The following ZSCAN5A variants were observed in gnomAD, a reference collection of about 807,000 sequenced individuals.
The protein encoded by ZSCAN5A is zinc finger and SCAN domain containing 5A.
In ZSCAN5A, 12 loss-of-function variants were observed where a neutral mutation model predicts 23.7. That is an observed-to-expected ratio of 0.51 (90% confidence interval 0.32 to 0.82). ZSCAN5A has a LOEUF of 0.82. ZSCAN5A is among the 40% of genes least tolerant of loss of function. The pLI, the probability that ZSCAN5A is intolerant of heterozygous loss-of-function variation, is 0.03. For synonymous variants in ZSCAN5A, 257 were observed against 239.9 expected, an observed-to-expected ratio of 1.07 and a Z score of -0.66; for missense variants, 597 against 617.9, an observed-to-expected ratio of 0.97 and a Z score of 0.36.
chr19:56,225,195 C>T (rs1407436413), intron 2 of ZSCAN5A, 22 bp from the exon 3 acceptor site: 3 of 1,433,062 alleles, frequency 2.1e-6, no homozygotes, highest in Non-Finnish European at 2.7e-6. Context: ...AAGTATGAGC[C>T]TCATTAGTTT....
chr19:56,238,066 C>G (rs2035117217), intron 2 of ZSCAN5A, among the ~76,000 whole-genome samples: 1 of 4,778 alleles, frequency 2.1e-4, no homozygotes, highest in African/African-American at 8.2e-4. Context: ...GTCTAGTCCC[C>G]TAGACACACA....
chr19:56,226,996 G>A (rs1025024182), intron 2 of ZSCAN5A, among the ~76,000 whole-genome samples: 2 of 152,166 alleles, frequency 1.3e-5, no homozygotes, highest in Non-Finnish European at 2.9e-5. Context: ...ACTCATAGTA[G>A]TAGTGAGTAG....
Position 56,281,806 on chromosome 19 carries a change from T to G in ZSCAN5A, c.-128+31477A>C, listed in dbSNP as rs548768522. ...AAACTGCTGACGATCACATTCAACC[T>G]GGGGCAGATTCAGATGTCCTCAATT... On this transcript the variant is annotated intron_variant, in intron 2 of 5. Transcript: ENST00000683990. 52 of 574,144 alleles carry G rather than the reference T, an allele frequency of 9.1e-5. No individual in the cohort carries two copies. In the South Asian group the frequency reaches 3.6e-3, roughly 40 times the overall value. 35.6% of individuals were successfully genotyped at this position (574,144 alleles called of 1,614,324 possible). A position where few individuals can be genotyped will look rare whatever the true frequency, so the allele number is the denominator to read the frequency against.
chr19:56,281,739 G>A (rs1436102327), intron 2 of ZSCAN5A: 29 of 982,768 alleles, frequency 3.0e-5, no homozygotes, highest in Non-Finnish European at 3.1e-5. Context: ...TGGGGAGCCC[G>A]CCCTTCAACC....
upstream of ZSCAN5A, among the ~76,000 whole-genome samples, chr19:56,319,459 G>A (rs575855827): frequency 2.2e-3 from 293 of 134,096 alleles, 2 homozygotes; most frequent in African/African-American, 7.3e-3. Context: ...TTGCACCACC[G>A]CACTCCAGCC....
chr19:56,295,778 A>T (rs963127979), intron 2 of ZSCAN5A: 4 of 152,440 alleles, frequency 2.6e-5, no homozygotes, highest in African/African-American at 9.7e-5. Context: ...ACTACTCAGC[A>T]CGACCCACCC....
At chr19:56,265,492 A>G (rs1287944405) in intron 2 of ZSCAN5A, among the ~76,000 whole-genome samples, 2 of 151,736 alleles carry the variant, frequency 1.3e-5, no homozygotes, top group East Asian at 1.9e-4. Context: ...AAGACTATGT[A>G]CAGAAGGACA....
chr19:56,350,120 TATC>T (rs1274861619), intron 2 of ZSCAN5A, among the ~76,000 whole-genome samples: 1 of 152,238 alleles, frequency 6.6e-6, no homozygotes, highest in Non-Finnish European at 1.5e-5. Context: ...TTTGCCAGAT[TATC>T]ATCCTTATAA....
At chr19:56,307,309 C>T (rs1014631912) in intron 2 of ZSCAN5A, among the ~76,000 whole-genome samples, 2 of 152,178 alleles carry the variant, frequency 1.3e-5, no homozygotes, top group African/African-American at 4.8e-5. Flanking sequence ...ATACCCCCAC[C>T]CCCTGCTGCA....
chr19:56,322,113 AT>A, intron 2 of ZSCAN5A: 1 of 760,118 alleles, frequency 1.3e-6, no homozygotes, highest in Non-Finnish European at 2.4e-6. Flanking sequence ...ATTCAGATAT[AT>A]TTTTGCAAAG....
intron 2 of ZSCAN5A, among the ~76,000 whole-genome samples, chr19:56,358,876 T>C (rs1490856308): frequency 2.0e-5 from 3 of 152,090 alleles, no homozygotes; most frequent in African/African-American, 7.2e-5. Context: ...TTGAAACTAA[T>C]GAGAACGAAG....
chr19:56,361,270 A>C (rs915419848), intron 2 of ZSCAN5A, among the ~76,000 whole-genome samples: 2 of 152,226 alleles, frequency 1.3e-5, no homozygotes, highest in African/African-American at 4.8e-5. Flanking sequence ...ATGTAAATTA[A>C]TTCAACCATT....
intron 2 of ZSCAN5A, chr19:56,322,380 G>A (rs773399654): frequency 6.8e-5 from 49 of 719,596 alleles, no homozygotes; most frequent in Non-Finnish European, 1.1e-4. Flanking sequence ...CCTCTCAGCC[G>A]GCAGGCTTCC....
At chr19:56,361,748 T>C (rs149790552) in intron 2 of ZSCAN5A, among the ~76,000 whole-genome samples, 2 of 152,212 alleles carry the variant, frequency 1.3e-5, no homozygotes, top group African/African-American at 2.4e-5. Flanking sequence ...AAATAGCTAA[T>C]GCATGCCAGG....
At chr19:56,308,481 AC>A (rs1371755255) in intron 2 of ZSCAN5A, among the ~76,000 whole-genome samples, 1 of 150,988 alleles carries the variant, frequency 6.6e-6, no homozygotes, top group Non-Finnish European at 1.5e-5. Flanking sequence ...GCACCACCAC[AC>A]CTGGCTAATT....
At chr19:56,233,626 T>C (rs1198605800) in intron 2 of ZSCAN5A, among the ~76,000 whole-genome samples, 2 of 151,686 alleles carry the variant, frequency 1.3e-5, no homozygotes, top group East Asian at 3.9e-4. Context: ...TTTTTTTTTT[T>C]TGGAGATCTC....
Position 56,221,440 on chromosome 19 carries a change from T to C in ZSCAN5A, c.*135A>G, listed in dbSNP as rs1012057459. 6 of 1,067,142 alleles carry C rather than the reference T, an allele frequency of 5.6e-6. No individual in the cohort carries two copies. Among genetic ancestry groups the C allele is most frequent in the Non-Finnish European group, 8.0e-6 (6 of 746,534 alleles). The allele number at this position is 1,067,142 out of a possible 1,614,324, so 66.1% of individuals were successfully genotyped here. ...GGGAGGACACATATTTACTCAAACA[T>C]CCTGGCAATTCATATCTAGGGCACT... On this transcript the variant is annotated 3_prime_UTR_variant, in exon 6 of 6. Transcript: ENST00000683990.
intron 2 of ZSCAN5A, among the ~76,000 whole-genome samples, chr19:56,282,117 T>TG (rs931546312): frequency 1.3e-5 from 2 of 152,184 alleles, no homozygotes. Context: ...TGGTACAGGG[T>TG]GGGTAAGACG....
chr19:56,301,455 G>T (rs1337887077), intron 2 of ZSCAN5A, among the ~76,000 whole-genome samples: 1 of 152,062 alleles, frequency 6.6e-6, no homozygotes, highest in Non-Finnish European at 1.5e-5. Context: ...GAGCAGTGAG[G>T]ACCACCAGAG....
Sources: allele counts gnomAD v4.1 joint callset (sites outside exome capture counted in the v4.1 genomes callset), GRCh38; gene constraint gnomAD v4.1.1; transcripts MANE v1.5; gene names NCBI Gene and HGNC (gene_info 2026-07-23, HGNC 2026-07-21).